The following SLC24A4 variants were observed in gnomAD, a reference collection of about 807,000 sequenced individuals.
SLC24A4 encodes sodium/potassium/calcium exchanger 4.
In SLC24A4, 53 loss-of-function variants were observed where a neutral mutation model predicts 79.0. The ratio of observed to expected loss-of-function variants is 0.67; its 90% confidence interval spans 0.54 to 0.84. The LOEUF (loss-of-function observed/expected upper bound fraction) is 0.84. Among genes scored for constraint, SLC24A4 ranks in the 40% least tolerant of loss-of-function variants. SLC24A4 has a pLI of 0.00. For missense variants in SLC24A4, 731 were observed against 822.0 expected (o/e 0.89, Z 1.35); for synonymous variants, 323 against 323.8 (o/e 1.00, Z 0.03).
intron 2 of SLC24A4, among the ~76,000 whole-genome samples, chr14:92,378,495 G>T (rs1238521125): frequency 6.6e-6 from 1 of 152,162 alleles, no homozygotes; most frequent in Non-Finnish European, 1.5e-5. Flanking sequence ...ATGGCTCTGA[G>T]CATCTTTGTG....
At chr14:92,325,023 A>G (rs1229263634) in intron 1 of SLC24A4, among the ~76,000 whole-genome samples, 1 of 152,204 alleles carries the variant, frequency 6.6e-6, no homozygotes. Context: ...CAGGAAGATT[A>G]TTTTGAATAT....
intron 2 of SLC24A4, among the ~76,000 whole-genome samples, chr14:92,423,475 A>G (rs1299306414): frequency 6.6e-6 from 1 of 152,202 alleles, no homozygotes; most frequent in Non-Finnish European, 1.5e-5. Flanking sequence ...TACTTTAGAT[A>G]TTAAGTATAT....
At chr14:92,400,395 T>C (rs141966721) in intron 2 of SLC24A4, among the ~76,000 whole-genome samples, 5,357 of 136,968 alleles carry the variant, frequency 0.039, 142 homozygotes, top group Non-Finnish European at 0.056. Flanking sequence ...GCCGAGATCG[T>C]GCCACTGCAC....
chr14:92,461,922 G>T (rs751123989), intron 12 of SLC24A4, among the ~76,000 whole-genome samples: 1 of 152,220 alleles, frequency 6.6e-6, no homozygotes, highest in Non-Finnish European at 1.5e-5. Flanking sequence ...CTCTGCAGGT[G>T]CAATGAGCCG....
Position 92,364,617 on chromosome 14 carries a change from G to A in SLC24A4, c.241+38639G>A, listed in dbSNP as rs540364754. Among the ~76,000 whole-genome samples the A allele has an allele frequency of 1.8e-3, 279 of 152,316 alleles. 2 individuals carry two copies. The highest frequency in any genetic ancestry group is 6.4e-3 in the African/African-American group (266 of 41,566). ...AAATGGCCTTTCCTTCAACCTGAGA[G>A]CCCCGTGGTGGGTGGGAGGGAGGCA... On this transcript the variant is annotated intron_variant, in intron 2 of 16. Transcript: ENST00000532405.
intron 12 of SLC24A4, among the ~76,000 whole-genome samples, chr14:92,458,370 C>T (rs1487658287): frequency 3.9e-5 from 6 of 152,274 alleles, no homozygotes; most frequent in East Asian, 1.9e-4. Context: ...ATTGGTGTCT[C>T]GGCCCGTCTC....
chr14:92,333,243 A>G (rs986315763), intron 2 of SLC24A4, among the ~76,000 whole-genome samples: 1 of 151,948 alleles, frequency 6.6e-6, no homozygotes, highest in Non-Finnish European at 1.5e-5. Context: ...ACAGGCGCCC[A>G]CCACCATACC....
At chr14:92,403,118 G>A (rs1595225522) in intron 2 of SLC24A4, among the ~76,000 whole-genome samples, 1 of 152,096 alleles carries the variant, frequency 6.6e-6, no homozygotes, top group South Asian at 2.1e-4. Context: ...AGACACACCT[G>A]CTTCTGAAGC....
At chr14:92,411,175 A>T (rs1890687747) in intron 2 of SLC24A4, among the ~76,000 whole-genome samples, 1 of 152,150 alleles carries the variant, frequency 6.6e-6, no homozygotes, top group African/African-American at 2.4e-5. Context: ...CTTCCCATGC[A>T]GTGCTCCCTT....
chr14:92,483,095 G>A (rs1006108590), intron 13 of SLC24A4, among the ~76,000 whole-genome samples: 5 of 152,168 alleles, frequency 3.3e-5, no homozygotes, highest in Non-Finnish European at 7.4e-5. Flanking sequence ...CTTTGCACAG[G>A]CAGCCTAAAT....
intron 2 of SLC24A4, among the ~76,000 whole-genome samples, chr14:92,360,590 G>C (rs1887451673): frequency 1.3e-5 from 2 of 152,224 alleles, no homozygotes; most frequent in South Asian, 4.1e-4. Flanking sequence ...TGTACATGTT[G>C]CCTGTATACA....
intron 2 of SLC24A4, among the ~76,000 whole-genome samples, chr14:92,368,063 G>A (rs983525367): frequency 1.3e-5 from 2 of 152,184 alleles, no homozygotes; most frequent in Non-Finnish European, 2.9e-5. Flanking sequence ...GGAAAGATAC[G>A]GGAAGCAGAC....
Position 92,353,205 on chromosome 14 carries a change from C to G in SLC24A4, c.241+27227C>G, listed in dbSNP as rs1886987409. On this transcript the variant is annotated intron_variant, in intron 2 of 16. Transcript: ENST00000532405. The surrounding 1 kb of genome is among the most constrained non-coding windows in gnomAD (Gnocchi z 4.1). ...AAGCTGTCATCAGGAGCATGACATA[C>G]TCTTTGATCCGTACCTATCTTTGCT... Among the ~76,000 whole-genome samples the G allele has an allele frequency of 6.6e-6, 1 of 152,210 alleles. No homozygotes were observed. Among genetic ancestry groups the G allele is most frequent in the African/African-American group, 2.4e-5 (1 of 41,448 alleles).
At chr14:92,413,132 T>C (rs1415933737) in intron 2 of SLC24A4, among the ~76,000 whole-genome samples, 1 of 152,120 alleles carries the variant, frequency 6.6e-6, no homozygotes, top group African/African-American at 2.4e-5. Context: ...CAGGAAGACG[T>C]TTGCCAACTG....
intron 14 of SLC24A4, among the ~76,000 whole-genome samples, 182 bp from the exon 15 acceptor site, chr14:92,491,483 T>G (rs1302940306): frequency 6.6e-6 from 1 of 152,184 alleles, no homozygotes; most frequent in Admixed American, 6.5e-5. Context: ...CAACCCATAA[T>G]AGTCCCCTTT....
At chr14:92,448,345 TAC>T (rs71877757) in intron 9 of SLC24A4, among the ~76,000 whole-genome samples, 34,175 of 131,866 alleles carry the variant, frequency 0.26, 4,308 homozygotes, top group East Asian at 0.49. Context: ...TCCCACTACA[TAC>T]ACACACACAC....
chr14:92,456,838 G>GGCCAGA (rs1395259563), intron 12 of SLC24A4, among the ~76,000 whole-genome samples: 1 of 152,202 alleles, frequency 6.6e-6, no homozygotes, highest in African/African-American at 2.4e-5. Context: ...AAGAGCCTCG[G>GGCCAGA]GCCAGAGAGC....
Position 92,424,612 on chromosome 14 carries a change from A to T in SLC24A4, c.242-9300A>T, listed in dbSNP as rs113279234. 2.7e-3 allele frequency among the ~76,000 whole-genome samples: 412 copies of T among 152,128 alleles called. 7 individuals carry two copies. In the East Asian group the frequency reaches 0.034, roughly 13 times the overall value. ...CATGGTGGCTGATGTTTATAATCCT[A>T]GCACTTTGGAAGGCCAAGGTGGGAG... On this transcript the variant is annotated intron_variant, in intron 2 of 16. Coordinates refer to ENST00000532405, the MANE Select transcript of SLC24A4 (RefSeq NM_153646.4).
At chr14:92,421,887 A>G (rs1374738609) in intron 2 of SLC24A4, among the ~76,000 whole-genome samples, 1 of 151,894 alleles carries the variant, frequency 6.6e-6, no homozygotes, top group African/African-American at 2.4e-5. Context: ...ACGATAAAGC[A>G]TTTGGAAAGG....
Sources: allele counts gnomAD v4.1 joint callset (sites outside exome capture counted in the v4.1 genomes callset), GRCh38; gene constraint gnomAD v4.1.1; non-coding constraint Gnocchi (gnomAD v3.1); transcripts MANE v1.5; gene names NCBI Gene and HGNC (gene_info 2026-07-23, HGNC 2026-07-21).